Variants in PAX8 observed in about 807,000 individuals in gnomAD.
The protein encoded by PAX8 is paired box 8.
Under a neutral mutation model 52.4 loss-of-function variants are expected in PAX8, and 15 were observed. The observed-to-expected ratio is 0.29, with a 90% confidence interval of 0.19 to 0.44. The LOEUF is 0.44. PAX8 is among the 20% of genes least tolerant of loss of function. The pLI is 1.00. For synonymous variants in PAX8, 284 were observed against 249.7 expected (o/e 1.14, Z -1.29); for missense variants, 554 against 602.5 (o/e 0.92, Z 0.84).
At chr2:113,233,880 A>G (rs1039496770) in intron 9 of PAX8, among the ~76,000 whole-genome samples, 59 of 152,106 alleles carry the variant, frequency 3.9e-4, no homozygotes, top group African/African-American at 1.4e-3. Context: ...GCTTCATTTC[A>G]AGAGAGCATT....
chr2:113,242,867 C>T, intron 4 of PAX8, 89 bp from the exon 5 acceptor site: 1 of 972,158 alleles, frequency 1.0e-6, no homozygotes, highest in South Asian at 1.3e-5. Context: ...TTTGACACCC[C>T]TTTTGGGTAT....
At chr2:113,236,573 C>G in intron 8 of PAX8, 28 bp downstream of exon 8, 1 of 1,549,838 alleles carries the variant, frequency 6.5e-7, no homozygotes, top group Non-Finnish European at 8.7e-7. Flanking sequence ...CCGCCCTCCA[C>G]CTGCCAGGGA....
In PAX8 at chr2:113,246,891, C is replaced by G. The variant is rs993072212; in HGVS notation, c.54G>C (p.Gly18=). The change falls in exon 3 of 12, where the codon GGG becomes GGC. Residue 18 remains glycine, a synonymous_variant. Transcript: ENST00000429538. Reference sequence around the variant, plus strand: ...GCAGAGGTCTGCCATTCACAAAGGCCCCTCCCAGCTGGTTCAGCCCTCCAT... The same window carrying G: ...GCAGAGGTCTGCCATTCACAAAGGCGCCTCCCAGCTGGTTCAGCCCTCCAT... ...SGHGGLNQLG[G]AFVNGRPLPE... 1 of 1,614,082 alleles carries G rather than the reference C, an allele frequency of 6.2e-7. No individual in the cohort carries two copies. Among genetic ancestry groups the G allele is most frequent in the African/African-American group, 1.3e-5 (1 of 75,058 alleles).
intron 2 of PAX8, among the ~76,000 whole-genome samples, chr2:113,258,622 C>T (rs1392587300): frequency 6.6e-6 from 1 of 152,212 alleles, no homozygotes; most frequent in African/African-American, 2.4e-5. Flanking sequence ...TTCGCAGCTC[C>T]GCTGTTATTC....
chr2:113,276,645 G>A (rs1306311339), intron 2 of PAX8: 1 of 112,478 alleles, frequency 8.9e-6, no homozygotes, highest in Non-Finnish European at 1.8e-5. Flanking sequence ...CTTCTAGAAT[G>A]AAAATAAGTA....
At chr2:113,276,457 C>T (rs887016316) in intron 2 of PAX8, 1 of 152,136 alleles carries the variant, frequency 6.6e-6, no homozygotes. Flanking sequence ...AAAAAAATTA[C>T]CTGGTAGGTC....
At chr2:113,262,519 G>A (rs1201962684) in intron 2 of PAX8, among the ~76,000 whole-genome samples, 1 of 152,180 alleles carries the variant, frequency 6.6e-6, no homozygotes, top group Non-Finnish European at 1.5e-5. Context: ...TCAGGGCTGG[G>A]TGGGGACTGA....
At chr2:113,260,298 T>C (rs66712899) in intron 2 of PAX8, among the ~76,000 whole-genome samples, 42,631 of 151,902 alleles carry the variant, frequency 0.28, 6,510 homozygotes, top group African/African-American at 0.41. Flanking sequence ...TCTGTGGAGG[T>C]GTGTATATGG....
At chr2:113,278,290 CG>C in intron 2 of PAX8, 79 bp downstream of exon 2, 1 of 1,181,534 alleles carries the variant, frequency 8.5e-7, no homozygotes, top group East Asian at 2.4e-5. Context: ...CTGACGCTCT[CG>C]AGATCCAACC....
At chr2:113,263,502 G>C (rs929462618) in intron 2 of PAX8, 2 of 152,372 alleles carry the variant, frequency 1.3e-5, no homozygotes, top group African/African-American at 2.4e-5. Flanking sequence ...TGTTGGACTT[G>C]GTTGCATCCA....
Position 113,278,445 on chromosome 2 carries a change from G to A in PAX8, c.-51C>T. 6.2e-7 allele frequency: 1 copy of A among 1,607,234 alleles called. No individual in the cohort carries two copies. Among genetic ancestry groups the A allele is most frequent in the Non-Finnish European group, 8.5e-7 (1 of 1,177,924 alleles). On this transcript the variant is annotated 5_prime_UTR_variant, in exon 2 of 12. Transcript: ENST00000429538. ...CGAGGGCTCGGGGCTTCCTCCCGTA[G>A]GTCCGGGCCGCGCCTGCCGCTGCCC... is the stretch of plus-strand genomic sequence containing the variant.
chr2:113,262,534 G>T (rs1692764081), intron 2 of PAX8, among the ~76,000 whole-genome samples: 1 of 152,138 alleles, frequency 6.6e-6, no homozygotes, highest in African/African-American at 2.4e-5. Context: ...GACTGAAACG[G>T]ACTAAGGAGA....
chr2:113,221,054 T>C (rs1477558086), intron 10 of PAX8, among the ~76,000 whole-genome samples: 2 of 152,180 alleles, frequency 1.3e-5, no homozygotes, highest in Non-Finnish European at 2.9e-5. Context: ...CACTTTCCCA[T>C]ACATTATGAT....
At chr2:113,226,617 C>T (rs1342674895) in intron 10 of PAX8, 6 of 1,068,778 alleles carry the variant, frequency 5.6e-6, no homozygotes, top group African/African-American at 1.6e-5. Flanking sequence ...CCTATCCATG[C>T]AGGCTTGAGA....
intron 4 of PAX8, among the ~76,000 whole-genome samples, chr2:113,243,295 C>T (rs1691026146): frequency 6.6e-6 from 1 of 152,220 alleles, no homozygotes; most frequent in Non-Finnish European, 1.5e-5. Context: ...GAAGATATAA[C>T]ACAGCCCCCA....
In PAX8 at chr2:113,241,595, A is replaced by C; in HGVS notation, c.733T>G (p.Tyr245Asp). The C allele has an allele frequency of 6.2e-7, 1 of 1,612,578 alleles. No individual in the cohort carries two copies. Among genetic ancestry groups the C allele is most frequent in the Non-Finnish European group, 8.5e-7 (1 of 1,179,764 alleles). ...CTGGGGGAGGCATAGGCCTCTGGGT[A>C]GTGCTGCCGCTCAAATGGGCACTCG... is the stretch of plus-strand genomic sequence containing the variant. ...PLECPFERQH[Y>D]PEAYASPSHT... The change falls in exon 7 of 12, where the codon TAC (tyrosine) becomes GAC (aspartate). Residue 245 changes from tyrosine to aspartate, a missense_variant. Tyr to Asp is a radical substitution (Grantham distance 160). Transcript: ENST00000429538.
In PAX8 at chr2:113,278,921, C is replaced by T; in HGVS notation, c.-166G>A. The T allele has an allele frequency of 9.6e-7, 1 of 1,042,938 alleles. No individual in the cohort carries two copies. The highest frequency in any genetic ancestry group is 1.2e-6 in the Non-Finnish European group (1 of 863,966). The allele number at this position is 1,042,938 out of a possible 1,614,324, so 64.6% of individuals were successfully genotyped here. On this transcript the variant is annotated 5_prime_UTR_variant, in exon 1 of 12. Transcript: ENST00000429538. ...CTCTCCTCCTTCTGAAGTTTGTTCC[C>T]ATCCACCCGGCATCACCGACCGGTT...
Position 113,235,442 on chromosome 2 carries a change from G to A in PAX8, c.1039C>T (p.His347Tyr), listed in dbSNP as rs372705455. ...SGVPPFNAFP[H>Y]AASVYGQFTG... ...AACTGCCCGTACACGGAGGCAGCAT[G>A]GGGAAAGGCATTGAAGGGCGGGACC... is the stretch of plus-strand genomic sequence containing the variant. Residue 347 changes from histidine to tyrosine, a missense_variant, in exon 9 of 12, where the codon CAT becomes TAT. Transcript: ENST00000429538. 2 of 1,608,942 alleles carry A rather than the reference G, an allele frequency of 1.2e-6. No homozygotes were observed. The highest frequency in any genetic ancestry group is 2.7e-5 in the African/African-American group (2 of 74,978).
chr2:113,248,762 C>A (rs1404102278), intron 2 of PAX8, among the ~76,000 whole-genome samples: 2 of 151,506 alleles, frequency 1.3e-5, no homozygotes, highest in Non-Finnish European at 2.9e-5. Flanking sequence ...AGTTCGAGAC[C>A]AGCCTGACCA....
Sources: allele counts gnomAD v4.1 joint callset (sites outside exome capture counted in the v4.1 genomes callset), GRCh38; gene constraint gnomAD v4.1.1; transcripts MANE v1.5; gene names NCBI Gene and HGNC (gene_info 2026-07-23, HGNC 2026-07-21).